The following CCDC192 variants were observed in gnomAD, a reference collection of about 807,000 sequenced individuals.
The protein encoded by CCDC192 is coiled-coil domain-containing protein 192.
At chr5:127,814,480 A>C (rs1374139431) in intron 5 of CCDC192, among the ~76,000 whole-genome samples, 4 of 152,184 alleles carry the variant, frequency 2.6e-5, no homozygotes, top group African/African-American at 9.7e-5. Flanking sequence ...TGTTGAGTTA[A>C]AGTGATTGTT....
At position 127,747,233 on chromosome 5, in the gene CCDC192, T is replaced by C. The variant is rs1393445399; in HGVS notation, c.115-7035T>C. On this transcript the variant is annotated intron_variant, in intron 2 of 6. Coordinates refer to ENST00000514853, the MANE Select transcript of CCDC192 (RefSeq NM_001317938.2). ...AACTCGTCATCTAGCATTAGGTATA[T>C]CTCCCAATGCTATCCCTCCCCCCTC... 2.6e-5 allele frequency among the ~76,000 whole-genome samples: 4 copies of C among 152,036 alleles called. No individual in the cohort carries two copies. In the East Asian group the frequency reaches 7.7e-4, roughly 29 times the overall value.
At chr5:127,880,981 A>AAAAAT (rs1395906954) in intron 6 of CCDC192, among the ~76,000 whole-genome samples, 1 of 152,216 alleles carries the variant, frequency 6.6e-6, no homozygotes, top group Non-Finnish European at 1.5e-5. Context: ...TTCGAGCTCA[A>AAAAAT]AAAATAAAAT....
intron 3 of CCDC192, among the ~76,000 whole-genome samples, chr5:127,795,681 A>G (rs936212233): frequency 2.0e-5 from 3 of 152,030 alleles, no homozygotes; most frequent in Admixed American, 2.0e-4. Context: ...CCTGGGTTCA[A>G]GTGATTCTCC....
chr5:127,744,241 G>C (rs189911165), intron 2 of CCDC192, among the ~76,000 whole-genome samples: 192 of 152,060 alleles, frequency 1.3e-3, no homozygotes, highest in Non-Finnish European at 2.2e-3. Context: ...CCCAGGGTGA[G>C]GGGCTGAGGC....
At chr5:127,928,493 C>T (rs2127199314) in intron 6 of CCDC192, among the ~76,000 whole-genome samples, 1 of 152,324 alleles carries the variant, frequency 6.6e-6, no homozygotes, top group South Asian at 2.1e-4. Flanking sequence ...ATTGGGTCCA[C>T]CCAGATAATC....
intron 2 of CCDC192, among the ~76,000 whole-genome samples, chr5:127,738,635 T>A (rs1753182283): frequency 6.6e-6 from 1 of 151,144 alleles, no homozygotes; most frequent in Admixed American, 6.6e-5. Flanking sequence ...CATTTCTTTT[T>A]ATTCTTTTTT....
intron 5 of CCDC192, among the ~76,000 whole-genome samples, chr5:127,811,376 G>A (rs941253307): frequency 6.6e-6 from 1 of 152,050 alleles, no homozygotes; most frequent in Non-Finnish European, 1.5e-5. Flanking sequence ...GGGTAGTGTT[G>A]GTAATGTAGT....
At chr5:127,900,061 T>C (rs989147069) in intron 6 of CCDC192, among the ~76,000 whole-genome samples, 1 of 152,224 alleles carries the variant, frequency 6.6e-6, no homozygotes, top group Non-Finnish European at 1.5e-5. Context: ...TTACTTTGAA[T>C]ATCTAGCATT....
At chr5:127,914,822 G>A (rs891953943) in intron 6 of CCDC192, among the ~76,000 whole-genome samples, 3 of 152,082 alleles carry the variant, frequency 2.0e-5, no homozygotes, top group Non-Finnish European at 4.4e-5. Flanking sequence ...TTGATGGGCC[G>A]ACTGACACAT....
intron 6 of CCDC192, among the ~76,000 whole-genome samples, chr5:127,939,228 G>C (rs960919169): frequency 1.4e-5 from 2 of 141,164 alleles, no homozygotes; most frequent in Admixed American, 7.7e-5. Flanking sequence ...AGTGATTCTC[G>C]AGCCTCAGCC....
chr5:127,932,905 G>T, intron 6 of CCDC192, among the ~76,000 whole-genome samples: 1 of 152,172 alleles, frequency 6.6e-6, no homozygotes, highest in East Asian at 1.9e-4. Flanking sequence ...ATGGGGCTTG[G>T]GTTGAAATTG....
At chr5:127,725,967 G>GT (rs376958766) in intron 2 of CCDC192, among the ~76,000 whole-genome samples, 2 of 151,124 alleles carry the variant, frequency 1.3e-5, no homozygotes, top group Admixed American at 6.6e-5. Flanking sequence ...ATTATTTTTT[G>GT]TTTTTTTCTT....
intron 5 of CCDC192, among the ~76,000 whole-genome samples, chr5:127,860,005 T>C (rs1267076342): frequency 6.6e-6 from 1 of 152,196 alleles, no homozygotes; most frequent in African/African-American, 2.4e-5. Flanking sequence ...TTCCTCCTTG[T>C]ACCCCTTTCT....
At chr5:127,792,295 C>T (rs1756908104) in intron 3 of CCDC192, among the ~76,000 whole-genome samples, 1 of 152,120 alleles carries the variant, frequency 6.6e-6, no homozygotes, top group Non-Finnish European at 1.5e-5. Context: ...ACATGTCCTT[C>T]TTCATATGGC....
chr5:127,745,431 A>ATT (rs1269658902), intron 2 of CCDC192, among the ~76,000 whole-genome samples: 1 of 152,232 alleles, frequency 6.6e-6, no homozygotes, highest in Admixed American at 6.5e-5. Context: ...AGATTTGTTC[A>ATT]GTTAGTAAAC....
At chr5:127,762,175 G>C (rs1046888554) in intron 3 of CCDC192, among the ~76,000 whole-genome samples, 1 of 152,084 alleles carries the variant, frequency 6.6e-6, no homozygotes. Context: ...AATTATGCTT[G>C]ACATGCCAAT....
chr5:127,759,558 G>T (rs1225593474), intron 3 of CCDC192, among the ~76,000 whole-genome samples: 1 of 152,162 alleles, frequency 6.6e-6, no homozygotes, highest in Non-Finnish European at 1.5e-5. Flanking sequence ...AAGAAAGAAA[G>T]AAATTCCCAT....
intron 3 of CCDC192, among the ~76,000 whole-genome samples, chr5:127,755,757 C>A (rs1754545211): frequency 6.7e-6 from 1 of 150,116 alleles, no homozygotes. Flanking sequence ...AAAAGGGCAC[C>A]CATGCTGGGA....
intron 2 of CCDC192, among the ~76,000 whole-genome samples, chr5:127,726,083 A>T (rs896294926): frequency 6.6e-6 from 1 of 152,112 alleles, no homozygotes; most frequent in Non-Finnish European, 1.5e-5. Flanking sequence ...AAAGAAGATC[A>T]CCAAGATCTC....
Sources: gnomAD v4.1 joint callset for allele counts (sites outside exome capture counted in the v4.1 genomes callset) on GRCh38, gnomAD v4.1.1 for gene constraint, MANE v1.5 for transcripts, NCBI Gene and HGNC (gene_info 2026-07-23, HGNC 2026-07-21) for gene names.